Variants in CREBRF observed in about 807,000 individuals in gnomAD.
CREBRF encodes the protein CREB3 regulatory factor.
CREBRF carries 5 observed loss-of-function variants against 66.1 expected under a neutral mutation model. The ratio of observed to expected loss-of-function variants is 0.08; its 90% CI spans 0.04 to 0.16. The LOEUF (loss-of-function observed/expected upper bound fraction) is 0.16. Among genes scored for constraint, CREBRF ranks in the 10% least tolerant of loss-of-function variants. CREBRF has a pLI of 1.00. For missense variants in CREBRF, 531 were observed against 744.9 expected (o/e 0.71, Z 3.34); for synonymous variants, 229 against 264.4 (o/e 0.87, Z 1.30).
At chr5:173,064,596 C>T (rs574601211) in intron 1 of CREBRF, among the ~76,000 whole-genome samples, 172 of 143,738 alleles carry the variant, frequency 1.2e-3, no homozygotes, top group Middle Eastern at 0.012. Context: ...GACAGAGTCT[C>T]GCTCTGTCGC....
In CREBRF at chr5:173,077,245, G is replaced by A. The variant is rs529853956; in HGVS notation, c.-191-3340G>A. On this transcript the variant is annotated intron_variant, in intron 1 of 8. Coordinates refer to ENST00000296953, the MANE Select transcript of CREBRF (RefSeq NM_153607.3). The stretch of plus-strand genomic sequence containing the variant: ...CAGGATGGGCCACTGTGCCTGGCCT[G>A]TATTCAGGCATTTCTTACCTAAAAA... Among the ~76,000 whole-genome samples the A allele has an allele frequency of 2.6e-5, 4 of 152,116 alleles. No individual in the cohort carries two copies. The South Asian group carries it at 8.3e-4, about 32-fold the overall frequency.
chr5:173,113,793 A>G (rs1408401642), intron 7 of CREBRF, among the ~76,000 whole-genome samples: 1 of 152,156 alleles, frequency 6.6e-6, no homozygotes, highest in East Asian at 1.9e-4. Flanking sequence ...TGAGGGGATA[A>G]TTATCTTACA....
intron 1 of CREBRF, among the ~76,000 whole-genome samples, chr5:173,061,318 TAG>T (rs1298195049): frequency 6.6e-6 from 1 of 151,988 alleles, no homozygotes; most frequent in Admixed American, 6.5e-5. Flanking sequence ...AATATACAAA[TAG>T]ACACTTTAGG....
At chr5:173,130,619 G>T (rs114141249) in intron 8 of CREBRF, among the ~76,000 whole-genome samples, 1 of 151,862 alleles carries the variant, frequency 6.6e-6, no homozygotes, top group Non-Finnish European at 1.5e-5. Flanking sequence ...CCAACTCCTG[G>T]ACTCAAGTGA....
chr5:173,058,966 T>G (rs915834490), intron 1 of CREBRF, among the ~76,000 whole-genome samples: 3 of 151,306 alleles, frequency 2.0e-5, no homozygotes, highest in African/African-American at 7.3e-5. Context: ...TGGCTAATTT[T>G]TTGTGTTTTT....
intron 4 of CREBRF, among the ~76,000 whole-genome samples, chr5:173,096,408 T>TCCTTTTCCCTTC (rs1244554872): frequency 2.7e-5 from 4 of 149,832 alleles, no homozygotes; most frequent in African/African-American, 9.8e-5. Flanking sequence ...CTTTTCTCTT[T>TCCTTTTCCCTTC]CCTTTTCCCT....
intron 7 of CREBRF, among the ~76,000 whole-genome samples, chr5:173,118,650 C>T (rs1759064903): frequency 6.6e-6 from 1 of 151,910 alleles, no homozygotes; most frequent in African/African-American, 2.4e-5. Flanking sequence ...AGTCAATAGA[C>T]CACATATTTA....
At chr5:173,062,711 A>G (rs961514304) in intron 1 of CREBRF, among the ~76,000 whole-genome samples, 14 of 148,716 alleles carry the variant, frequency 9.4e-5, no homozygotes, top group African/African-American at 3.5e-4. Flanking sequence ...TCTACATAGT[A>G]GGGTCTTTTT....
intron 8 of CREBRF, among the ~76,000 whole-genome samples, chr5:173,126,779 T>C (rs1478671441): frequency 6.6e-6 from 1 of 152,246 alleles, no homozygotes; most frequent in Non-Finnish European, 1.5e-5. Context: ...TGGTAGTTTG[T>C]TCCTACCTTC....
chr5:173,115,394 A>G (rs1021583554), intron 7 of CREBRF, among the ~76,000 whole-genome samples: 4 of 152,060 alleles, frequency 2.6e-5, no homozygotes, highest in Non-Finnish European at 5.9e-5. Flanking sequence ...GGCATGAGCC[A>G]CTGTGTCTGA....
chr5:173,090,352 A>C lies in CREBRF; in HGVS notation c.173A>C (p.Asn58Thr). The change falls in exon 4 of 9, where the codon AAC (asparagine) becomes ACC (threonine). Residue 58 changes from asparagine (N) to threonine (T), a missense_variant. Physicochemically the swap from Asn to Thr is moderately conservative, Grantham distance 65. Coordinates refer to ENST00000296953, the MANE Select transcript of CREBRF (RefSeq NM_153607.3). The surrounding 1 kb of genome is among the most constrained non-coding windows in gnomAD (Gnocchi z 4.5). The stretch of plus-strand genomic sequence containing the variant: ...AACTACCAACAGAATCCTAGAGACA[A>C]CTTTCTTTCTTTGGAGGACTGCAAA... ...EMNYQQNPRD[N>T]FLSLEDCKDI... 6.2e-7 allele frequency: 1 copy of C among 1,603,304 alleles called. No individual in the cohort carries two copies. Among genetic ancestry groups the C allele is most frequent in the Non-Finnish European group, 8.5e-7 (1 of 1,170,794 alleles).
At chr5:173,089,215 C>T (rs1416979660) in intron 3 of CREBRF, among the ~76,000 whole-genome samples, 1 of 144,812 alleles carries the variant, frequency 6.9e-6, no homozygotes, top group Non-Finnish European at 1.5e-5. Flanking sequence ...CATACACAGA[C>T]AACACACACA....
chr5:173,079,928 G>A (rs1339647051), intron 1 of CREBRF, among the ~76,000 whole-genome samples: 3 of 152,174 alleles, frequency 2.0e-5, no homozygotes, highest in Admixed American at 1.3e-4. Context: ...TGTAGTCATT[G>A]TTTTACTTAA....
intron 3 of CREBRF, among the ~76,000 whole-genome samples, chr5:173,089,688 C>A (rs1480282920): frequency 6.6e-6 from 1 of 150,634 alleles, no homozygotes; most frequent in African/African-American, 2.4e-5. Flanking sequence ...AAAAAAAAAT[C>A]ATCTCTAAAA....
At chr5:173,123,339 T>G in intron 8 of CREBRF, 137 bp downstream of exon 8, 1 of 731,132 alleles carries the variant, frequency 1.4e-6, no homozygotes, top group Non-Finnish European at 2.1e-6. Context: ...TTATGAGTAG[T>G]TTTATCTTTT....
At chr5:173,059,499 G>A (rs754445461) in intron 1 of CREBRF, among the ~76,000 whole-genome samples, 6 of 151,430 alleles carry the variant, frequency 4.0e-5, no homozygotes, top group Non-Finnish European at 7.4e-5. Flanking sequence ...CCTGACCTAA[G>A]GTGATCTGCC....
intron 3 of CREBRF, among the ~76,000 whole-genome samples, chr5:173,087,479 T>C (rs1758190897): frequency 7.6e-6 from 1 of 131,000 alleles, no homozygotes; most frequent in Non-Finnish European, 1.6e-5. Context: ...GGGCGGATCA[T>C]GAGGTCAGGA....
intron 7 of CREBRF, among the ~76,000 whole-genome samples, chr5:173,112,966 T>C (rs1184462004): frequency 1.3e-5 from 2 of 152,190 alleles, no homozygotes; most frequent in Non-Finnish European, 2.9e-5. Context: ...AACTCAAGAA[T>C]CCATATTTTT....
chr5:173,108,767 A>G lies in CREBRF; in HGVS notation c.1366A>G (p.Asn456Asp), dbSNP rs180840280. ...GAGGATGCTGAGACCATCTGAGTGG[A>G]ACCGAGATACTTTGCCAAGTAATAT... ...QERMLRPSEW[N>D]RDTLPSNMYQ... is the part of the protein sequence containing the mutation. Residue 456 changes from asparagine to aspartate, a missense_variant, in exon 5 of 9, where the codon AAC becomes GAC. Asn to Asp is a conservative substitution (Grantham distance 23, BLOSUM62 1). Transcript: ENST00000296953. 9.9e-6 allele frequency: 16 copies of G among 1,613,928 alleles called. No individual in the cohort carries two copies. In the East Asian group the frequency reaches 3.6e-4, roughly 36 times the overall value.
Sources: gnomAD v4.1 joint callset for allele counts (sites outside exome capture counted in the v4.1 genomes callset) on GRCh38, gnomAD v4.1.1 for gene constraint, Gnocchi (gnomAD v3.1) non-coding constraint, MANE v1.5 for transcripts, NCBI Gene and HGNC (gene_info 2026-07-23, HGNC 2026-07-21) for gene names.